Variants in CEACAM4 observed in about 807,000 individuals in gnomAD.
The protein encoded by CEACAM4 is cell adhesion molecule CEACAM4.
In CEACAM4, 30 loss-of-function variants were observed where a neutral mutation model predicts 28.7. That is an observed-to-expected ratio of 1.05 (90% CI 0.78 to 1.42). CEACAM4 has a LOEUF of 1.42. Ranked by LOEUF, CEACAM4 falls within the 40% of genes most tolerant of loss-of-function variation. The probability of loss-of-function intolerance (pLI) is 0.00; values close to 1 mark genes in which losing one functional copy is unlikely to be tolerated. For missense variants in CEACAM4, 330 were observed against 308.2 expected, an observed-to-expected ratio of 1.07 and a Z score of -0.53; for synonymous variants, 143 against 126.5, an observed-to-expected ratio of 1.13 and a Z score of -0.87.
intron 2 of CEACAM4, among the ~76,000 whole-genome samples, chr19:41,624,958 C>T (rs905296755): frequency 1.3e-5 from 2 of 152,192 alleles, no homozygotes; most frequent in Admixed American, 1.3e-4. Context: ...CTGTTCCTAC[C>T]CCTGGGCCAC....
chr19:41,620,499 C>T, intron 4 of CEACAM4, 76 bp downstream of exon 4: 3 of 1,307,570 alleles, frequency 2.3e-6, no homozygotes, highest in East Asian at 4.8e-5. Context: ...CAGAGGCCCC[C>T]AGGGGGTGAC....
downstream of CEACAM4, among the ~76,000 whole-genome samples, chr19:41,615,026 T>C (rs1263725494): frequency 6.6e-6 from 1 of 151,708 alleles, no homozygotes; most frequent in Non-Finnish European, 1.5e-5. Context: ...TCACAAAGGT[T>C]GGAACCTGCC....
downstream of CEACAM4, among the ~76,000 whole-genome samples, chr19:41,614,759 G>C (rs191274484): frequency 6.6e-6 from 1 of 152,114 alleles, no homozygotes; most frequent in East Asian, 1.9e-4. Context: ...TGATTACCAC[G>C]CAAGGCTGAC....
In CEACAM4 at chr19:41,619,196, C is replaced by G; in HGVS notation, c.*134G>C. On this transcript the variant is annotated 3_prime_UTR_variant, in exon 7 of 7. Transcript: ENST00000221954. ...ATATTCAGCAGGGACTCCCATCCCTCCCTGTCCCCAGGCCTGTGTCTCCTC... is the reference window on the plus strand; with the variant it reads ...ATATTCAGCAGGGACTCCCATCCCTGCCTGTCCCCAGGCCTGTGTCTCCTC... 1.3e-6 allele frequency: 1 copy of G among 753,716 alleles called. No homozygotes were observed. Among genetic ancestry groups the G allele is most frequent in the Non-Finnish European group, 2.3e-6 (1 of 433,276 alleles). The allele number at this position is 753,716 out of a possible 1,614,324, so 46.7% of individuals were successfully genotyped here. A position where few individuals can be genotyped will look rare whatever the true frequency, so the allele number is the denominator to read the frequency against.
At chr19:41,619,771 C>T (rs1223863564) in intron 5 of CEACAM4, 60 bp from the exon 6 acceptor site, 48 of 1,395,346 alleles carry the variant, frequency 3.4e-5, no homozygotes, top group Admixed American at 5.1e-5. Context: ...GAAGCCCAGC[C>T]TGGAAGGTTC....
chr19:41,614,555 CCA>C (rs1555798598), downstream of CEACAM4, among the ~76,000 whole-genome samples: 1 of 152,140 alleles, frequency 6.6e-6, no homozygotes, highest in African/African-American at 2.4e-5. Flanking sequence ...TATTCTTTGC[CCA>C]CACATCATCC....
At chr19:41,619,920 C>T (rs142802831) in intron 5 of CEACAM4, among the ~76,000 whole-genome samples, 4,165 of 152,268 alleles carry the variant, frequency 0.027, 91 homozygotes, top group Non-Finnish European at 0.043. Context: ...GGGCCCACCC[C>T]GCACCCTTGT....
chr19:41,623,762 A>G (rs1232785459), intron 2 of CEACAM4, among the ~76,000 whole-genome samples: 1 of 152,080 alleles, frequency 6.6e-6, no homozygotes, highest in African/African-American at 2.4e-5. Context: ...ACTAATAACT[A>G]TCTGAACTTG....
chr19:41,613,593 A>G, the CEACAM4 span, among the ~76,000 whole-genome samples: 1 of 152,020 alleles, frequency 6.6e-6, no homozygotes, highest in Non-Finnish European at 1.5e-5. Context: ...CCATGGGTCA[A>G]GGCCTTTATT....
chr19:41,623,363 C>T (rs1368533074), intron 2 of CEACAM4, among the ~76,000 whole-genome samples: 3 of 151,632 alleles, frequency 2.0e-5, no homozygotes, highest in African/African-American at 7.3e-5. Flanking sequence ...ACATCCCTGC[C>T]ACATCCCTGC....
intron 2 of CEACAM4, among the ~76,000 whole-genome samples, chr19:41,624,396 C>G (rs2071505654): frequency 6.6e-6 from 1 of 152,320 alleles, no homozygotes; most frequent in Admixed American, 6.5e-5. Context: ...TCAGAAAACA[C>G]ACGAAACCAT....
At chr19:41,625,565 A>C in intron 2 of CEACAM4, 36 bp downstream of exon 2, 1 of 1,544,092 alleles carries the variant, frequency 6.5e-7, no homozygotes, top group Non-Finnish European at 8.7e-7. Context: ...AGCAGAACTG[A>C]CCGCCAGCAC....
rs8113662 is a variant in CEACAM4 at position 41,619,266 on chromosome 19, C to T, written c.*64G>A. 5.4e-3 allele frequency: 7,384 copies of T among 1,363,024 alleles called. 321 individuals are homozygous for T. The African/African-American group carries it at 0.087, about 16-fold the overall frequency. The allele number at this position is 1,363,024 out of a possible 1,614,324, so 84.4% of individuals were successfully genotyped here. A position where few individuals can be genotyped will look rare whatever the true frequency, so the allele number is the denominator to read the frequency against. ...CTGGCTCAGGCTCCATGTCCTTCCCCGTCCCCAGGGCTGGGAGCTTCGGGG... is the reference window on the plus strand; with the variant it reads ...CTGGCTCAGGCTCCATGTCCTTCCCTGTCCCCAGGGCTGGGAGCTTCGGGG... On this transcript the variant is annotated 3_prime_UTR_variant, in exon 7 of 7. Coordinates refer to ENST00000221954, the MANE Select transcript of CEACAM4 (RefSeq NM_001817.4).
chr19:41,621,241 G>A (rs1278616667), intron 3 of CEACAM4, among the ~76,000 whole-genome samples: 1 of 152,062 alleles, frequency 6.6e-6, no homozygotes, highest in Non-Finnish European at 1.5e-5. Context: ...TCCAGGCTTT[G>A]CCACTCCCCA....
rs915229992 is a variant in CEACAM4, at chr19:41,625,694, T to C, written c.331A>G (p.Asn111Asp). 11 of 1,613,892 alleles carry C rather than the reference T, an allele frequency of 6.8e-6. No individual in the cohort carries two copies. The African/African-American group carries it at 1.5e-4, about 22-fold the overall frequency. ...VYPNGSLLFQ[N>D]ITLEDAGSYT... ...GATCCTGCGTCCTCCAGGGTGATGT[T>C]TTGGAACAGCAGGGATCCATTGGGG... The change falls in exon 2 of 7, where the codon AAC (asparagine) becomes GAC (aspartate). Residue 111 changes from asparagine (N) to aspartate (D), a missense_variant. Transcript: ENST00000221954.
In CEACAM4 at chr19:41,624,788, TTGTC is replaced by T. The variant is rs368039036; in HGVS notation, c.424+809_424+812del. ...GGAAAATGGTCTGAGGCTTGCCACT[TTGTC>T]TGTGAATGAACTTTAAATTATTCAC... On this transcript the variant is annotated intron_variant, in intron 2 of 6. Transcript: ENST00000221954. Among the ~76,000 whole-genome samples, 79 of 152,306 alleles carry T rather than the reference TTGTC, an allele frequency of 5.2e-4. 5 individuals are homozygous for T. In the South Asian group the frequency reaches 0.016, roughly 31 times the overall value.
rs1386500397 is a variant in CEACAM4 at position 41,620,494 on chromosome 19, G to C, written c.595+81C>G. The C allele has an allele frequency of 2.4e-6, 3 of 1,230,906 alleles. No individual in the cohort carries two copies. The East Asian group carries it at 7.4e-5, about 31-fold the overall frequency. The allele number at this position is 1,230,906 out of a possible 1,614,324, so 76.2% of individuals were successfully genotyped here. A position where few individuals can be genotyped will look rare whatever the true frequency, so the allele number is the denominator to read the frequency against. ...TGCAGCCCCAAAGAAAGGGTCAGAG[G>C]CCCCCAGGGGGTGACTGGCAGGAGT... is the stretch of plus-strand genomic sequence containing the variant. On this transcript the variant is annotated intron_variant, in intron 4 of 6. Transcript: ENST00000221954.
At chr19:41,616,143 C>T (rs558218870), downstream of CEACAM4, among the ~76,000 whole-genome samples, 18 of 152,286 alleles carry the variant, frequency 1.2e-4, no homozygotes, top group South Asian at 1.7e-3. Context: ...AATTCTCCTG[C>T]CTCAGCCTCC....
At position 41,619,398 on chromosome 19, in the gene CEACAM4, G is replaced by A; in HGVS notation, c.670-3C>T. 1.2e-6 allele frequency: 2 copies of A among 1,613,830 alleles called. No individual in the cohort carries two copies. Among genetic ancestry groups the A allele is most frequent in the South Asian group, 1.1e-5 (1 of 91,078 alleles). ...TTTGCATCAGAGTATAGCAATTCCT[G>A]TAAAAACAGAGAAGAGGCCTCAACC... On this transcript the variant is annotated splice_region_variant and splice_polypyrimidine_tract_variant and intron_variant, in intron 6 of 6. Coordinates refer to ENST00000221954, the MANE Select transcript of CEACAM4 (RefSeq NM_001817.4).
Sources: allele counts gnomAD v4.1 joint callset (sites outside exome capture counted in the v4.1 genomes callset), GRCh38; gene constraint gnomAD v4.1.1; transcripts MANE v1.5; gene names NCBI Gene and HGNC (gene_info 2026-07-23, HGNC 2026-07-21).